Variants in PKP4 observed in about 807,000 individuals in gnomAD.
The protein encoded by PKP4 is plakophilin 4.
In PKP4, 90 loss-of-function variants were observed where a neutral mutation model predicts 145.1. The ratio of observed to expected loss-of-function variants is 0.62; its 90% confidence interval spans 0.52 to 0.74. The LOEUF (loss-of-function observed/expected upper bound fraction) is 0.74. Among genes scored for constraint, PKP4 ranks in the 30% least tolerant of loss-of-function variants. The pLI, the probability that PKP4 is intolerant of heterozygous loss-of-function variation, is 0.00. For missense variants in PKP4, 1,340 were observed against 1,482.7 expected (o/e 0.90, Z 1.58); for synonymous variants, 563 against 577.2 (o/e 0.98, Z 0.35).
chr2:158,598,658 A>G (rs566007141), intron 3 of PKP4, among the ~76,000 whole-genome samples: 1 of 152,242 alleles, frequency 6.6e-6, no homozygotes, highest in East Asian at 1.9e-4. Flanking sequence ...AGTCCCAGCT[A>G]CTTGGGAGGC....
At chr2:158,479,379 A>G (rs1054496052) in intron 1 of PKP4, among the ~76,000 whole-genome samples, 10 of 151,956 alleles carry the variant, frequency 6.6e-5, no homozygotes, top group Non-Finnish European at 1.5e-4. Context: ...ATATGCCACC[A>G]TGCCCGGTTA....
chr2:158,572,949 A>G (rs1439462774), intron 2 of PKP4, among the ~76,000 whole-genome samples: 2 of 152,206 alleles, frequency 1.3e-5, no homozygotes, highest in African/African-American at 4.8e-5. Flanking sequence ...CCTGACAATC[A>G]TTATCAAGCA....
intron 2 of PKP4, among the ~76,000 whole-genome samples, chr2:158,556,523 CT>C (rs11378372): frequency 0.15 from 21,927 of 144,214 alleles, 1,832 homozygotes; most frequent in Middle Eastern, 0.26. Context: ...CTCTTTCTCT[CT>C]TTTTTTTTTT....
At chr2:158,583,715 A>T (rs941481647) in intron 3 of PKP4, among the ~76,000 whole-genome samples, 6 of 152,112 alleles carry the variant, frequency 3.9e-5, no homozygotes, top group African/African-American at 1.4e-4. Flanking sequence ...TCTTTCTCTT[A>T]AAAAAATTTA....
chr2:158,569,393 G>T (rs2047247476), intron 2 of PKP4, among the ~76,000 whole-genome samples: 1 of 152,128 alleles, frequency 6.6e-6, no homozygotes, highest in Non-Finnish European at 1.5e-5. Flanking sequence ...GAGATCTCAA[G>T]GTAACAGGCA....
At position 158,658,175 on chromosome 2, in the gene PKP4, A is replaced by G. The variant is rs143723696; in HGVS notation, c.1954A>G (p.Ile652Val). 64 of 1,606,966 alleles carry G rather than the reference A, an allele frequency of 4.0e-5. No individual in the cohort carries two copies. In the East Asian group the frequency reaches 4.0e-4, roughly 10 times the overall value. Residue 652 changes from isoleucine to valine, a missense_variant, in exon 12 of 22, where the codon ATC (isoleucine) becomes GTC (valine). Ile to Val is a conservative substitution (Grantham distance 29, BLOSUM62 3). Coordinates refer to ENST00000389759, the MANE Select transcript of PKP4 (RefSeq NM_003628.6). ...CTCATGTGATGCTGTAAAAATGACA[A>G]TCATTCGAGATGCTCTCTCAACCTT... ...LSSCDAVKMTIIRDALSTLTN... is the reference protein window; with the variant it reads ...LSSCDAVKMTVIRDALSTLTN...
intron 19 of PKP4, among the ~76,000 whole-genome samples, chr2:158,674,639 T>C (rs1159710483): frequency 6.6e-6 from 1 of 152,248 alleles, no homozygotes; most frequent in East Asian, 1.9e-4. Flanking sequence ...CCTACTTCTT[T>C]GTAATGTTTA....
intron 1 of PKP4, among the ~76,000 whole-genome samples, chr2:158,531,284 CTTCT>C (rs2043521558): frequency 6.6e-6 from 1 of 151,966 alleles, no homozygotes; most frequent in Admixed American, 6.6e-5. Context: ...TGAATTTTTC[CTTCT>C]TTTTCTTCTT....
chr2:158,471,052 A>T (rs1268121027), intron 1 of PKP4, among the ~76,000 whole-genome samples: 1 of 152,196 alleles, frequency 6.6e-6, no homozygotes, highest in Non-Finnish European at 1.5e-5. Context: ...CACCCCAGCC[A>T]CCAAACTAGC....
intron 1 of PKP4, among the ~76,000 whole-genome samples, chr2:158,477,380 A>G (rs907906759): frequency 1.3e-5 from 2 of 152,122 alleles, no homozygotes; most frequent in Admixed American, 1.3e-4. Context: ...CCTCTCCCCT[A>G]CTAATTGAAA....
chr2:158,662,769 AAGTTCTCATAAATAAAAAGT>A (rs2056722426), intron 13 of PKP4, 108 bp from the exon 14 acceptor site: 2 of 671,806 alleles, frequency 3.0e-6, no homozygotes, highest in African/African-American at 3.6e-5. Context: ...AGATTGTTTC[AAGTTCTCATAAATAAAAAGT>A]AGTTCTTTCA....
At chr2:158,605,817 G>A (rs1279997225) in intron 4 of PKP4, among the ~76,000 whole-genome samples, 2 of 152,032 alleles carry the variant, frequency 1.3e-5, no homozygotes, top group Non-Finnish European at 2.9e-5. Context: ...ACCAGTCTTA[G>A]GCAACCACTA....
intron 19 of PKP4, 44 bp downstream of exon 19, chr2:158,674,044 C>T: frequency 9.6e-7 from 1 of 1,040,446 alleles, no homozygotes; most frequent in Non-Finnish European, 1.5e-6. Flanking sequence ...CTTTGTGTGA[C>T]AGAACATTGT....
chr2:158,672,916 G>A (rs1249330097), intron 17 of PKP4, among the ~76,000 whole-genome samples: 2 of 152,166 alleles, frequency 1.3e-5, no homozygotes, highest in African/African-American at 2.4e-5. Flanking sequence ...TGTCAAAGGA[G>A]CCTTAAGATT....
intron 2 of PKP4, among the ~76,000 whole-genome samples, chr2:158,536,083 C>T (rs1251044872): frequency 6.6e-6 from 1 of 152,148 alleles, no homozygotes; most frequent in Non-Finnish European, 1.5e-5. Context: ...AGAAAAGGCT[C>T]CTCTTAGGAG....
Position 158,515,737 on chromosome 2 carries a change from T to C in PKP4, c.-5-17443T>C, listed in dbSNP as rs534107711. 2.6e-5 allele frequency among the ~76,000 whole-genome samples: 4 copies of C among 152,258 alleles called. No individual in the cohort carries two copies. In the East Asian group the frequency reaches 5.8e-4, roughly 22 times the overall value. ...CAAAGTATGTTCCTCAGAATGTTAATAGATGATCCTCAAAAAAAATGGGGG... is the reference window on the plus strand; with the variant it reads ...CAAAGTATGTTCCTCAGAATGTTAACAGATGATCCTCAAAAAAAATGGGGG... On this transcript the variant is annotated intron_variant, in intron 1 of 21. Coordinates refer to ENST00000389759, the MANE Select transcript of PKP4 (RefSeq NM_003628.6).
chr2:158,673,053 AC>A (rs1466579004), intron 17 of PKP4, among the ~76,000 whole-genome samples: 1 of 152,086 alleles, frequency 6.6e-6, no homozygotes, highest in Non-Finnish European at 1.5e-5. Context: ...GAGGCCACTG[AC>A]TTAACAGCAG....
intron 1 of PKP4, among the ~76,000 whole-genome samples, chr2:158,459,542 T>C (rs1383686078): frequency 1.3e-5 from 2 of 152,224 alleles, no homozygotes; most frequent in Admixed American, 6.5e-5. Context: ...GTTTTTCAGC[T>C]ATGTGCATAA....
chr2:158,475,079 A>G (rs1692240943), intron 1 of PKP4, among the ~76,000 whole-genome samples: 3 of 152,204 alleles, frequency 2.0e-5, no homozygotes, highest in South Asian at 4.1e-4. Context: ...GATGGGTTAA[A>G]GAAAATCATG....
Sources: allele counts gnomAD v4.1 joint callset (sites outside exome capture counted in the v4.1 genomes callset), GRCh38; gene constraint gnomAD v4.1.1; transcripts MANE v1.5; gene names NCBI Gene and HGNC (gene_info 2026-07-23, HGNC 2026-07-21).